Variants in BRIP1 observed in about 807,000 individuals in gnomAD.
BRIP1 encodes Fanconi anemia group J protein.
BRIP1 carries 88 observed loss-of-function variants against 119.7 expected under a neutral mutation model. That is an observed-to-expected ratio of 0.74 (90% CI 0.62 to 0.88). The LOEUF (loss-of-function observed/expected upper bound fraction) is 0.88. BRIP1 is among the 40% of genes least tolerant of loss of function. BRIP1 has a pLI of 0.00. For synonymous variants in BRIP1, 443 were observed against 496.5 expected (o/e 0.89, Z 1.43); for missense variants, 1,259 against 1,455.4 (o/e 0.87, Z 2.20).
At position 61,804,954 on chromosome 17, in the gene BRIP1, CTGTGTG is replaced by C. The variant is rs59414906; in HGVS notation, c.919-3486_919-3481del. Among the ~76,000 whole-genome samples the C allele has an allele frequency of 0.23, 31,281 of 138,980 alleles. 3,689 individuals are homozygous for C. The highest frequency in any genetic ancestry group is 0.29 in the African/African-American group (10,602 of 36,918). 91.2% of individuals were successfully genotyped at this position (138,980 alleles called of 152,430 possible). On this transcript the variant is annotated intron_variant, in intron 7 of 19. Transcript: ENST00000259008. This position sits in a 1 kb window ranked among gnomAD's most constrained non-coding sequence, Gnocchi z 4.5. ...GGCAGGATGAAATGTCTCTCTCTTT[CTGTGTG>C]TGTGTGTGTGTGTGTGTGTGTGTGT...
In BRIP1 at chr17:61,686,055, T is replaced by C. The variant is rs764406913; in HGVS notation, c.2686A>G (p.Ile896Val). 5.6e-6 allele frequency: 9 copies of C among 1,613,848 alleles called. No individual in the cohort carries two copies. In the East Asian group the frequency reaches 2.0e-4, roughly 36 times the overall value. The change falls in exon 19 of 20, where the codon ATA (isoleucine) becomes GTA (valine). Residue 896 changes from isoleucine (I) to valine (V), a missense_variant. By Grantham distance (29) the Ile-to-Val change is conservative. Transcript: ENST00000259008. This position sits in a 1 kb window ranked among gnomAD's most constrained non-coding sequence, Gnocchi z 5.4. ...KKHQKVLNVS[I>V]KDRTNIQDNE... The stretch of plus-strand genomic sequence containing the variant: ...TCCTGTATATTGGTTCTGTCCTTTA[T>C]GGATACATTAAGAACTTTTTGATGC...
rs568157990 is a variant in BRIP1, at chr17:61,693,940, T to G, written c.2493-428A>C. Among the ~76,000 whole-genome samples, 1 of 152,208 alleles carries G rather than the reference T, an allele frequency of 6.6e-6. No homozygotes were observed. The highest frequency in any genetic ancestry group is 1.9e-4 in the East Asian group (1 of 5,194). On this transcript the variant is annotated intron_variant, in intron 17 of 19. Transcript: ENST00000259008. The surrounding 1 kb of genome is among the most constrained non-coding windows in gnomAD (Gnocchi z 4.2). ...AAAATTCAATTGACATAACATGTAG[T>G]TTTTCTTCTTTTGACTGTTAATATG... is the stretch of plus-strand genomic sequence containing the variant.
At chr17:61,771,737 A>G (rs539945119) in intron 14 of BRIP1, among the ~76,000 whole-genome samples, 4 of 152,316 alleles carry the variant, frequency 2.6e-5, no homozygotes, top group Non-Finnish European at 5.9e-5. Context: ...AGGCAGGCAG[A>G]TCACCTGAGG....
chr17:61,775,276 T>C lies in BRIP1; in HGVS notation c.2097+1125A>G, dbSNP rs2077515925. On this transcript the variant is annotated intron_variant, in intron 14 of 19. Transcript: ENST00000259008. This position sits in a 1 kb window ranked among gnomAD's most constrained non-coding sequence, Gnocchi z 4.4. The stretch of plus-strand genomic sequence containing the variant: ...TGTCCGTTTTATTTTTAGATATTCT[T>C]GTAAAAAATTATCTGATTAAATATG... 6.6e-6 allele frequency among the ~76,000 whole-genome samples: 1 copy of C among 152,216 alleles called. No individual in the cohort carries two copies. The highest frequency in any genetic ancestry group is 2.4e-5 in the African/African-American group (1 of 41,464).
In BRIP1 at chr17:61,799,582, G is replaced by C. The variant is rs1242244332; in HGVS notation, c.1141-283C>G. Among the ~76,000 whole-genome samples, 2 of 151,942 alleles carry C rather than the reference G, an allele frequency of 1.3e-5. No individual in the cohort carries two copies. Among genetic ancestry groups the C allele is most frequent in the Non-Finnish European group, 1.5e-5 (1 of 67,968 alleles). Reference sequence around the variant, plus strand: ...GTGAGTCTGGATCAAGGTACCACAGGCTACACAGAAAGGTATAAAATCCCA... The same window carrying C: ...GTGAGTCTGGATCAAGGTACCACAGCCTACACAGAAAGGTATAAAATCCCA... On this transcript the variant is annotated intron_variant, in intron 8 of 19. Coordinates refer to ENST00000259008, the MANE Select transcript of BRIP1 (RefSeq NM_032043.3). The surrounding 1 kb of genome is among the most constrained non-coding windows in gnomAD (Gnocchi z 5.1).
rs868041870 is a variant in BRIP1, at chr17:61,687,475, A to G, written c.2576-1310T>C. On this transcript the variant is annotated intron_variant, in intron 18 of 19. Coordinates refer to ENST00000259008, the MANE Select transcript of BRIP1 (RefSeq NM_032043.3). This position sits in a 1 kb window ranked among gnomAD's most constrained non-coding sequence, Gnocchi z 5.1. ...TTTACGTGGAAAGGGAAGATAAAAC[A>G]AATAAAGCAATATTTTCTGCTTTAT... Among the ~76,000 whole-genome samples, 8 of 152,324 alleles carry G rather than the reference A, an allele frequency of 5.3e-5. No individual in the cohort carries two copies. Among genetic ancestry groups the G allele is most frequent in the South Asian group, 2.1e-4 (1 of 4,826 alleles).
chr17:61,714,418 C>G (rs1379911080), intron 17 of BRIP1, among the ~76,000 whole-genome samples: 1 of 152,098 alleles, frequency 6.6e-6, no homozygotes, highest in Non-Finnish European at 1.5e-5. Context: ...TTTTTCTACA[C>G]TTATATACTC....
At chr17:61,764,378 C>A (rs1171968269) in intron 14 of BRIP1, among the ~76,000 whole-genome samples, 1 of 152,202 alleles carries the variant, frequency 6.6e-6, no homozygotes, top group African/African-American at 2.4e-5. Flanking sequence ...CCTTGCCTCC[C>A]ACTGTGTGTT....
intron 16 of BRIP1, among the ~76,000 whole-genome samples, chr17:61,731,994 T>TC (rs1269407231): frequency 1.4e-5 from 2 of 139,786 alleles, no homozygotes; most frequent in Admixed American, 7.1e-5. Context: ...TTTTTTTTTT[T>TC]TTTTTTTTTG....
chr17:61,747,889 C>G (rs936483823), intron 14 of BRIP1, among the ~76,000 whole-genome samples: 2 of 150,518 alleles, frequency 1.3e-5, no homozygotes, highest in Non-Finnish European at 3.0e-5. Context: ...GCATGAGCCA[C>G]CATGCCCTGG....
chr17:61,702,140 A>G lies in BRIP1; in HGVS notation c.2493-8628T>C, dbSNP rs115367973. 8.7e-3 allele frequency among the ~76,000 whole-genome samples: 1,326 copies of G among 152,312 alleles called. 16 individuals are homozygous for G. Among genetic ancestry groups the G allele is most frequent in the African/African-American group, 0.03 (1,265 of 41,566 alleles). ...TTTTGCCTATTTTCTCATTGCTTTT[A>G]GAAATTTCAGAGGTCTTTGTTCTGC... On this transcript the variant is annotated intron_variant, in intron 17 of 19. Coordinates refer to ENST00000259008, the MANE Select transcript of BRIP1 (RefSeq NM_032043.3).
rs2061262695 is a variant in BRIP1, at chr17:61,681,010, CTT to C, written c.*2284_*2285del. Among the ~76,000 whole-genome samples, 1 of 152,100 alleles carries C rather than the reference CTT, an allele frequency of 6.6e-6. No homozygotes were observed. Among genetic ancestry groups the C allele is most frequent in the South Asian group, 2.1e-4 (1 of 4,822 alleles). Reference sequence around the variant, plus strand: ...AACTTACAATCATGGCGGAAGGCAACTTTTCACAGGGCAGCAGGAGAGAAGAA... The same window carrying C: ...AACTTACAATCATGGCGGAAGGCAACTTCACAGGGCAGCAGGAGAGAAGAA... On this transcript the variant is annotated 3_prime_UTR_variant, in exon 20 of 20. Coordinates refer to ENST00000259008, the MANE Select transcript of BRIP1 (RefSeq NM_032043.3). The surrounding 1 kb of genome is among the most constrained non-coding windows in gnomAD (Gnocchi z 5.1).
At chr17:61,812,161 T>C (rs2078172324) in intron 6 of BRIP1, among the ~76,000 whole-genome samples, 1 of 152,050 alleles carries the variant, frequency 6.6e-6, no homozygotes, top group African/African-American at 2.4e-5. Context: ...CCCAATCAAA[T>C]TACCAGGCTA....
In BRIP1 at chr17:61,742,948, G is replaced by C. The variant is rs2144673365; in HGVS notation, c.2379+65C>G. 1.3e-6 allele frequency: 2 copies of C among 1,585,082 alleles called. No individual in the cohort carries two copies. Among genetic ancestry groups the C allele is most frequent in the Admixed American group, 3.3e-5 (2 of 59,844 alleles). On this transcript the variant is annotated intron_variant, in intron 16 of 19. Coordinates refer to ENST00000259008, the MANE Select transcript of BRIP1 (RefSeq NM_032043.3). The surrounding 1 kb of genome is among the most constrained non-coding windows in gnomAD (Gnocchi z 4.7). ...AAGCGCAATAAAATGAGGGATCCCT[G>C]CAATTAACTTTATACAAAACCAATG...
At position 61,774,530 on chromosome 17, in the gene BRIP1, C is replaced by A. The variant is rs919199965; in HGVS notation, c.2097+1871G>T. On this transcript the variant is annotated intron_variant, in intron 14 of 19. Coordinates refer to ENST00000259008, the MANE Select transcript of BRIP1 (RefSeq NM_032043.3). This position sits in a 1 kb window ranked among gnomAD's most constrained non-coding sequence, Gnocchi z 5.8. ...AGCAAACCAGCATGGCACATGTATACGTATGTAACAAACCTGCACGTTGTG... is the reference window on the plus strand; with the variant it reads ...AGCAAACCAGCATGGCACATGTATAAGTATGTAACAAACCTGCACGTTGTG... Among the ~76,000 whole-genome samples, 1 of 152,018 alleles carries A rather than the reference C, an allele frequency of 6.6e-6. No homozygotes were observed.
In BRIP1 at chr17:61,843,945, G is replaced by T. The variant is rs1303544132; in HGVS notation, c.627+3156C>A. On this transcript the variant is annotated intron_variant, in intron 6 of 19. Transcript: ENST00000259008. The surrounding 1 kb of genome is among the most constrained non-coding windows in gnomAD (Gnocchi z 5.7). ...TATTTATTTTTTATTTTTTTTTAGAGACAGGGTCTCGCTCTGTCACCCAGA... is the reference window on the plus strand; with the variant it reads ...TATTTATTTTTTATTTTTTTTTAGATACAGGGTCTCGCTCTGTCACCCAGA... Among the ~76,000 whole-genome samples, 1 of 150,914 alleles carries T rather than the reference G, an allele frequency of 6.6e-6. No homozygotes were observed. The highest frequency in any genetic ancestry group is 1.5e-5 in the Non-Finnish European group (1 of 67,822).
At position 61,739,991 on chromosome 17, in the gene BRIP1, T is replaced by C. The variant is rs2076966050; in HGVS notation, c.2379+3022A>G. ...ATTTCTTCCATTGTAAGTAATCGCA[T>C]AACCGGGCAAAATGGAGCAATTGTT... On this transcript the variant is annotated intron_variant, in intron 16 of 19. Transcript: ENST00000259008. This position sits in a 1 kb window ranked among gnomAD's most constrained non-coding sequence, Gnocchi z 6.0. Among the ~76,000 whole-genome samples the C allele has an allele frequency of 6.6e-6, 1 of 152,196 alleles. No homozygotes were observed. Among genetic ancestry groups the C allele is most frequent in the African/African-American group, 2.4e-5 (1 of 41,454 alleles).
rs770467563 is a variant in BRIP1, at chr17:61,857,261, A to G, written c.206-30T>C. Reference sequence around the variant, plus strand: ...AAATGAAAGAACATCTATTTATAATATATCTAATTAAATAAACATCAATCA... The same window carrying G: ...AAATGAAAGAACATCTATTTATAATGTATCTAATTAAATAAACATCAATCA... On this transcript the variant is annotated intron_variant, in intron 3 of 19. Coordinates refer to ENST00000259008, the MANE Select transcript of BRIP1 (RefSeq NM_032043.3). The surrounding 1 kb of genome is among the most constrained non-coding windows in gnomAD (Gnocchi z 5.1). The G allele has an allele frequency of 2.5e-5, 38 of 1,547,700 alleles. No homozygotes were observed. Among genetic ancestry groups the G allele is most frequent in the Middle Eastern group, 3.4e-4 (2 of 5,852 alleles).
rs2078242358 is a variant in BRIP1 at position 61,816,732 on chromosome 17, C to T, written c.628-7975G>A. Among the ~76,000 whole-genome samples the T allele has an allele frequency of 7.7e-6, 1 of 130,482 alleles. No homozygotes were observed. The highest frequency in any genetic ancestry group is 3.1e-5 in the African/African-American group (1 of 32,584). 85.6% of individuals were successfully genotyped at this position (130,482 alleles called of 152,430 possible). On this transcript the variant is annotated intron_variant, in intron 6 of 19. Coordinates refer to ENST00000259008, the MANE Select transcript of BRIP1 (RefSeq NM_032043.3). This position sits in a 1 kb window ranked among gnomAD's most constrained non-coding sequence, Gnocchi z 5.0. ...ACACCGATCAACTTCATGAGAAAAA[C>T]CCAGGGTGTTTATAAAAAATAAAAA... is the stretch of plus-strand genomic sequence containing the variant.
Sources: allele counts gnomAD v4.1 joint callset (sites outside exome capture counted in the v4.1 genomes callset), GRCh38; gene constraint gnomAD v4.1.1; non-coding constraint Gnocchi (gnomAD v3.1); transcripts MANE v1.5; gene names NCBI Gene and HGNC (gene_info 2026-07-23, HGNC 2026-07-21).